The following ARHGAP24 variants were observed in gnomAD, a reference collection of about 807,000 sequenced individuals.
ARHGAP24 encodes the protein Rho GTPase activating protein 24, also known as rho GTPase-activating protein 24.
A neutral mutation model predicts 76.4 loss-of-function variants in ARHGAP24; 50 were observed. That is an observed-to-expected ratio of 0.65 (90% CI 0.52 to 0.83). ARHGAP24 has a LOEUF of 0.83. Ranked by LOEUF, ARHGAP24 falls within the 40% of genes least tolerant of loss-of-function variation. The probability of loss-of-function intolerance (pLI) is 0.00; values close to 1 mark genes in which losing one functional copy is unlikely to be tolerated. For synonymous variants in ARHGAP24, 345 were observed against 323.3 expected (o/e 1.07, Z -0.72); for missense variants, 930 against 914.2 (o/e 1.02, Z -0.22).
At chr4:85,803,407 T>C (rs1048510320) in intron 3 of ARHGAP24, among the ~76,000 whole-genome samples, 2 of 152,246 alleles carry the variant, frequency 1.3e-5, no homozygotes, top group Non-Finnish European at 2.9e-5. Flanking sequence ...GATGGATCCC[T>C]TCCAGGGCGT....
At chr4:85,973,195 G>A (rs1437509519) in intron 6 of ARHGAP24, among the ~76,000 whole-genome samples, 1 of 152,092 alleles carries the variant, frequency 6.6e-6, no homozygotes, top group Admixed American at 6.6e-5. Context: ...ACCATCACTT[G>A]TTACCTGTCG....
At chr4:85,827,518 T>TGTGTGTGTG (rs1368669294) in intron 3 of ARHGAP24, among the ~76,000 whole-genome samples, 56 of 57,914 alleles carry the variant, frequency 9.7e-4, no homozygotes, top group South Asian at 1.6e-3. Flanking sequence ...GTGTGTGTGT[T>TGTGTGTGTG]TAGAGAGAGA....
intron 3 of ARHGAP24, among the ~76,000 whole-genome samples, chr4:85,853,316 G>C (rs1731345928): frequency 6.6e-6 from 1 of 152,196 alleles, no homozygotes; most frequent in South Asian, 2.1e-4. Flanking sequence ...TGTGCCATTT[G>C]CTAAGACTGT....
chr4:85,498,660 C>G (rs1344105815), intron 1 of ARHGAP24, among the ~76,000 whole-genome samples: 1 of 152,214 alleles, frequency 6.6e-6, no homozygotes, highest in Non-Finnish European at 1.5e-5. Context: ...TCTTTCTCTC[C>G]TAAAGCCTAG....
intron 1 of ARHGAP24, among the ~76,000 whole-genome samples, chr4:85,569,047 G>A (rs1024017815): frequency 6.6e-6 from 1 of 152,140 alleles, no homozygotes; most frequent in African/African-American, 2.4e-5. Flanking sequence ...AGCCTTCAAG[G>A]AAGAAACAAA....
intron 2 of ARHGAP24, among the ~76,000 whole-genome samples, chr4:85,602,999 A>G (rs553833745): frequency 1.3e-5 from 2 of 152,230 alleles, no homozygotes; most frequent in Non-Finnish European, 2.9e-5. Flanking sequence ...TCAAGCTAAT[A>G]AAAATGCACC....
chr4:85,838,673 A>T (rs1033636079), intron 3 of ARHGAP24, among the ~76,000 whole-genome samples: 33 of 152,082 alleles, frequency 2.2e-4, no homozygotes, highest in Non-Finnish European at 5.9e-5. Context: ...ATTATGGCAG[A>T]TATGCCCCCC....
intron 3 of ARHGAP24, among the ~76,000 whole-genome samples, chr4:85,732,388 A>C (rs1283940699): frequency 1.3e-5 from 2 of 152,356 alleles, no homozygotes; most frequent in South Asian, 2.1e-4. Flanking sequence ...TAAGAGTGAG[A>C]GATAAGCTTG....
At chr4:85,754,757 G>A (rs890107514) in intron 3 of ARHGAP24, among the ~76,000 whole-genome samples, 4 of 152,168 alleles carry the variant, frequency 2.6e-5, no homozygotes, top group Non-Finnish European at 4.4e-5. Context: ...AATACTACAA[G>A]CAGCCAGAAA....
At chr4:85,895,547 G>A (rs1333904107) in intron 3 of ARHGAP24, among the ~76,000 whole-genome samples, 1 of 152,076 alleles carries the variant, frequency 6.6e-6, no homozygotes, top group African/African-American at 2.4e-5. Context: ...AATATCTTTT[G>A]GGGGGAAAAT....
In ARHGAP24 at chr4:85,648,120, G is replaced by C. The variant is rs186187417; in HGVS notation, c.181-73765G>C. ...CACACCTGTTGTAGGAAATGTGTAC[G>C]CACTTACAGATTATCTGCAGAACCA... On this transcript the variant is annotated intron_variant, in intron 2 of 9. Transcript: ENST00000395184. Among the ~76,000 whole-genome samples the C allele has an allele frequency of 2.0e-5, 3 of 152,178 alleles. No homozygotes were observed. In the East Asian group the frequency reaches 5.8e-4, roughly 30 times the overall value.
chr4:85,728,408 A>G (rs191470857), intron 3 of ARHGAP24, among the ~76,000 whole-genome samples: 2 of 152,064 alleles, frequency 1.3e-5, no homozygotes, highest in South Asian at 2.1e-4. Flanking sequence ...CTTTATCTCT[A>G]TTTTAGCTAA....
chr4:85,867,005 C>T (rs986694521), intron 3 of ARHGAP24, among the ~76,000 whole-genome samples: 4 of 152,068 alleles, frequency 2.6e-5, no homozygotes, highest in African/African-American at 7.2e-5. Context: ...AATATATACA[C>T]AGCATATGAG....
intron 3 of ARHGAP24, among the ~76,000 whole-genome samples, chr4:85,847,017 G>T (rs1472057071): frequency 1.3e-5 from 2 of 152,152 alleles, no homozygotes; most frequent in African/African-American, 4.8e-5. Context: ...ATAAACAAAA[G>T]GGGACAGTGT....
intron 2 of ARHGAP24, among the ~76,000 whole-genome samples, chr4:85,715,490 A>T (rs1470419329): frequency 6.6e-6 from 1 of 152,066 alleles, no homozygotes; most frequent in Non-Finnish European, 1.5e-5. Flanking sequence ...ATGAAGTAGG[A>T]TCTATTTTTA....
At chr4:85,952,884 T>TA (rs2148833960) in intron 5 of ARHGAP24, among the ~76,000 whole-genome samples, 1 of 152,274 alleles carries the variant, frequency 6.6e-6, no homozygotes, top group East Asian at 1.9e-4. Context: ...TTCTTTCTAT[T>TA]TAGAAATGAA....
intron 3 of ARHGAP24, among the ~76,000 whole-genome samples, chr4:85,775,159 G>A (rs1727267446): frequency 6.6e-6 from 1 of 152,100 alleles, no homozygotes; most frequent in Admixed American, 6.6e-5. Flanking sequence ...GGGATAGAGG[G>A]TATATGTGGG....
At chr4:85,872,945 A>G (rs1466592120) in intron 3 of ARHGAP24, among the ~76,000 whole-genome samples, 1 of 152,134 alleles carries the variant, frequency 6.6e-6, no homozygotes, top group Admixed American at 6.5e-5. Context: ...ATTGAACTAT[A>G]AAGAAAAGAA....
At chr4:85,763,878 G>T (rs1357750663) in intron 3 of ARHGAP24, among the ~76,000 whole-genome samples, 1 of 151,970 alleles carries the variant, frequency 6.6e-6, no homozygotes, top group African/African-American at 2.4e-5. Flanking sequence ...TCACAATGAA[G>T]GCTTTCACAA....
Sources: allele counts gnomAD v4.1 joint callset (sites outside exome capture counted in the v4.1 genomes callset), GRCh38; gene constraint gnomAD v4.1.1; transcripts MANE v1.5; gene names NCBI Gene and HGNC (gene_info 2026-07-23, HGNC 2026-07-21).